FBXL18: variants seen among roughly 807,000 people sequenced by gnomAD.
FBXL18 encodes F-box/LRR-repeat protein 18.
Under a neutral mutation model 46.0 loss-of-function variants are expected in FBXL18, and 36 were observed. The ratio of observed to expected loss-of-function variants is 0.78; its 90% confidence interval spans 0.60 to 1.03. FBXL18 has a LOEUF of 1.03. Ranked by LOEUF, FBXL18 falls within the 50% of genes least tolerant of loss-of-function variation. The probability of loss-of-function intolerance (pLI) is 0.00; values close to 1 mark genes in which losing one functional copy is unlikely to be tolerated. For synonymous variants in FBXL18, 557 were observed against 465.3 expected (o/e 1.20, Z -2.54); for missense variants, 977 against 1,004.1 (o/e 0.97, Z 0.36).
At chr7:5,494,817 C>T (rs974530661) in intron 3 of FBXL18, among the ~76,000 whole-genome samples, 1 of 152,228 alleles carries the variant, frequency 6.6e-6, no homozygotes, top group Non-Finnish European at 1.5e-5. Context: ...CTCCGTGCTA[C>T]CCGCCCCAGA....
intron 4 of FBXL18, among the ~76,000 whole-genome samples, chr7:5,486,600 C>T (rs971029087): frequency 6.6e-6 from 1 of 151,870 alleles, no homozygotes; most frequent in Non-Finnish European, 1.5e-5. Context: ...CTGCAGTGAG[C>T]TGTGATTGCA....
intron 3 of FBXL18, among the ~76,000 whole-genome samples, chr7:5,499,562 C>G (rs71531318): frequency 1.3e-5 from 2 of 151,898 alleles, no homozygotes; most frequent in African/African-American, 4.8e-5. Flanking sequence ...AACCCCGTCT[C>G]TACTAAAAAT....
At chr7:5,475,093 T>A (rs997727080), downstream of FBXL18, among the ~76,000 whole-genome samples, 1 of 148,378 alleles carries the variant, frequency 6.7e-6, no homozygotes, top group African/African-American at 2.5e-5. This position sits in a 1 kb window ranked among gnomAD's most constrained non-coding sequence, Gnocchi z 4.2. Context: ...CCGAGGCGGG[T>A]GGATCACTTG....
At chr7:5,497,482 G>A (rs1431706461) in intron 3 of FBXL18, among the ~76,000 whole-genome samples, 2 of 152,152 alleles carry the variant, frequency 1.3e-5, no homozygotes, top group African/African-American at 2.4e-5. Flanking sequence ...TGAAAGTCCT[G>A]GGTTTGATCC....
chr7:5,511,076 C>G (rs978260112), intron 1 of FBXL18, among the ~76,000 whole-genome samples: 6 of 152,206 alleles, frequency 3.9e-5, no homozygotes, highest in African/African-American at 1.4e-4. Context: ...CCAGGCTGGT[C>G]TCAAACTCCT....
Position 5,500,826 on chromosome 7 carries a change from G to C in FBXL18, c.1443C>G (p.Asn481Lys). Reference protein sequence around the residue: ...PSSVFWSLLKNLPFLEHLELI... With the variant: ...PSSVFWSLLKKLPFLEHLELI... ...GCTCGAGGTGTTCCAGGAAGGGCAGGTTCTTCAGCAGAGACCAGAACACGG... is the reference window on the plus strand; with the variant it reads ...GCTCGAGGTGTTCCAGGAAGGGCAGCTTCTTCAGCAGAGACCAGAACACGG... Residue 481 changes from asparagine (N) to lysine (K), a missense_variant, in exon 3 of 5, where the codon AAC becomes AAG. Asn to Lys is a moderately conservative substitution (Grantham distance 94, BLOSUM62 0). Transcript: ENST00000382368. The C allele has an allele frequency of 6.2e-7, 1 of 1,612,298 alleles. No homozygotes were observed. The highest frequency in any genetic ancestry group is 8.5e-7 in the Non-Finnish European group (1 of 1,179,546).
chr7:5,470,608 G>GA (rs1783411362), intron 4 of FBXL18, among the ~76,000 whole-genome samples: 1 of 152,140 alleles, frequency 6.6e-6, no homozygotes, highest in South Asian at 2.1e-4. Flanking sequence ...GCAGACACAA[G>GA]ACACAACACA....
chr7:5,480,318 C>T lies in FBXL18; in HGVS notation c.*1457G>A, dbSNP rs529214118. The stretch of plus-strand genomic sequence containing the variant: ...ACAGCCCCCTTTGGAAGCCACTGGC[C>T]CAGGGACAGCTCTAGGAGCGCCTGG... On this transcript the variant is annotated 3_prime_UTR_variant, in exon 5 of 5. Coordinates refer to ENST00000382368, the MANE Select transcript of FBXL18 (RefSeq NM_024963.6). The T allele has an allele frequency of 6.6e-6, 1 of 152,238 alleles. No individual in the cohort carries two copies. Among genetic ancestry groups the T allele is most frequent in the South Asian group, 2.1e-4 (1 of 4,826 alleles). 9.4% of individuals were successfully genotyped at this position (152,238 alleles called of 1,614,324 possible). A position where few individuals can be genotyped will look rare whatever the true frequency, so the allele number is the denominator to read the frequency against.
intron 3 of FBXL18, among the ~76,000 whole-genome samples, chr7:5,495,582 G>A (rs886735300): frequency 2.0e-5 from 3 of 152,204 alleles, no homozygotes; most frequent in Non-Finnish European, 4.4e-5. Context: ...AAAGCTGGGG[G>A]TCACGGTGTG....
intron 3 of FBXL18, among the ~76,000 whole-genome samples, chr7:5,494,738 C>A (rs577954402): frequency 6.6e-6 from 1 of 152,144 alleles, no homozygotes; most frequent in African/African-American, 2.4e-5. Flanking sequence ...AGGCTCCAGA[C>A]AGCAGGAGAT....
intron 4 of FBXL18, chr7:5,489,320 T>C (rs1439163700): frequency 3.9e-6 from 2 of 518,768 alleles, no homozygotes; most frequent in East Asian, 5.4e-5. Flanking sequence ...CATTCACTGT[T>C]GGGAAACCTT....
downstream of FBXL18, among the ~76,000 whole-genome samples, chr7:5,472,424 G>A (rs1046330511): frequency 7.2e-5 from 11 of 152,182 alleles, no homozygotes; most frequent in African/African-American, 1.7e-4. Context: ...GCCAGGGCCC[G>A]TCCTTCTGGT....
intron 4 of FBXL18, chr7:5,490,076 G>T (rs373109943): frequency 2.2e-6 from 3 of 1,358,282 alleles, no homozygotes; most frequent in South Asian, 2.3e-5. Flanking sequence ...GCCAGCGGCC[G>T]ACCGCAAGGA....
intron 4 of FBXL18, among the ~76,000 whole-genome samples, chr7:5,468,132 GC>G (rs1425472171): frequency 6.6e-6 from 1 of 152,012 alleles, no homozygotes; most frequent in South Asian, 2.1e-4. Flanking sequence ...ACAGGCGCCC[GC>G]CACCACACCC....
chr7:5,468,078 G>GT (rs1366178763), intron 4 of FBXL18, among the ~76,000 whole-genome samples: 1 of 151,858 alleles, frequency 6.6e-6, no homozygotes, highest in Non-Finnish European at 1.5e-5. Context: ...TGCCTCCCGG[G>GT]TTCAAGCAAT....
At chr7:5,471,467 G>A (rs1353828748), downstream of FBXL18, among the ~76,000 whole-genome samples, 2 of 152,104 alleles carry the variant, frequency 1.3e-5, no homozygotes, top group South Asian at 2.1e-4. Flanking sequence ...TAGTAGAGAC[G>A]GGGCTTCACC....
At chr7:5,458,778 T>C (rs374979671) in intron 4 of FBXL18, among the ~76,000 whole-genome samples, 107 of 152,114 alleles carry the variant, frequency 7.0e-4, no homozygotes, top group African/African-American at 2.6e-3. Flanking sequence ...TGAGAATCAC[T>C]TGAACCCGGA....
Position 5,480,548 on chromosome 7 carries a change from A to ATTT in FBXL18, c.*1224_*1226dup, listed in dbSNP as rs1180980635. 12 of 40,336 alleles carry ATTT rather than the reference A, an allele frequency of 3.0e-4. No homozygotes were observed. The highest frequency in any genetic ancestry group is 4.8e-4 in the African/African-American group (5 of 10,418). 2.5% of individuals were successfully genotyped at this position (40,336 alleles called of 1,614,324 possible). On this transcript the variant is annotated 3_prime_UTR_variant, in exon 5 of 5. Transcript: ENST00000382368. ...GTTGAATATATATATATATATATAT[A>ATTT]TTTTTTTTTTTTTTTTTTTTTTTTT...
chr7:5,501,565 G>A lies in FBXL18; in HGVS notation c.704C>T (p.Ala235Val). 1.9e-6 allele frequency: 3 copies of A among 1,613,826 alleles called. No individual in the cohort carries two copies. Among genetic ancestry groups the A allele is most frequent in the East Asian group, 2.2e-5 (1 of 44,884 alleles). The change falls in exon 3 of 5, where the codon GCG becomes GTG. Residue 235 changes from alanine (A) to valine (V), a missense_variant. Physicochemically the swap from Ala to Val is moderately conservative, Grantham distance 64. Transcript: ENST00000382368. The stretch of plus-strand genomic sequence containing the variant: ...GTTGATGTAGCCGGGGGCCAGGCGC[G>A]CATAGAAGACCCGCAGGTTCTGGTA... ...PHYQNLRVFY[A>V]RLAPGYINQE...
Sources: allele counts gnomAD v4.1 joint callset (sites outside exome capture counted in the v4.1 genomes callset), GRCh38; gene constraint gnomAD v4.1.1; non-coding constraint Gnocchi (gnomAD v3.1); transcripts MANE v1.5; gene names NCBI Gene and HGNC (gene_info 2026-07-23, HGNC 2026-07-21).